FHIT: variants seen among roughly 807,000 people sequenced by gnomAD.
The protein encoded by FHIT is fragile histidine triad diadenosine triphosphatase, also known as bis(5'-adenosyl)-triphosphatase.
Under a neutral mutation model 17.9 loss-of-function variants are expected in FHIT, and 19 were observed. The observed-to-expected ratio is 1.06, with a 90% CI of 0.74 to 1.56. The LOEUF is 1.56. Among genes scored for constraint, FHIT ranks in the 40% most tolerant of loss-of-function variants. The pLI is 0.00. For synonymous variants in FHIT, 81 were observed against 69.7 expected (o/e 1.16, Z -0.81); for missense variants, 248 against 189.2 (o/e 1.31, Z -1.82).
chr3:60,387,120 T>G (rs1276199186), intron 5 of FHIT, among the ~76,000 whole-genome samples: 5 of 151,434 alleles, frequency 3.3e-5, no homozygotes, highest in Non-Finnish European at 7.4e-5. Flanking sequence ...CCTGAGTAGC[T>G]GGGATTACAG....
chr3:60,011,297 A>C, intron 7 of FHIT, 74 bp downstream of exon 7: 1 of 1,388,180 alleles, frequency 7.2e-7, no homozygotes, highest in Non-Finnish European at 1.0e-6. Flanking sequence ...TGTGCTGCAT[A>C]TGACTCGTTG....
intron 5 of FHIT, among the ~76,000 whole-genome samples, chr3:60,523,798 G>C (rs542275435): frequency 4.1e-4 from 62 of 152,290 alleles, no homozygotes; most frequent in African/African-American, 1.4e-3. Flanking sequence ...GGGAGGGGTT[G>C]AGTATTTTTC....
chr3:61,044,764 T>A (rs1214113208), intron 2 of FHIT, among the ~76,000 whole-genome samples: 1 of 152,154 alleles, frequency 6.6e-6, no homozygotes. Flanking sequence ...GGGAAGCACA[T>A]CAGACTAACA....
intron 1 of FHIT, among the ~76,000 whole-genome samples, chr3:61,210,628 G>T (rs2039432268): frequency 6.6e-6 from 1 of 152,220 alleles, no homozygotes. Flanking sequence ...TAATCTCCTG[G>T]TGTGCCGTTT....
At chr3:60,907,272 T>C (rs1416922769) in intron 3 of FHIT, among the ~76,000 whole-genome samples, 4 of 152,200 alleles carry the variant, frequency 2.6e-5, no homozygotes, top group African/African-American at 4.8e-5. Context: ...ATTACCTAGA[T>C]AGTACTTTGG....
rs571081214 is a variant in FHIT, at chr3:61,053,929, G to A, written c.-163-11830C>T. Among the ~76,000 whole-genome samples, 49 of 152,312 alleles carry A rather than the reference G, an allele frequency of 3.2e-4. 1 individual carries two copies. In the Middle Eastern group the frequency reaches 0.01, roughly 32 times the overall value. On this transcript the variant is annotated intron_variant, in intron 2 of 9. Coordinates refer to ENST00000492590, the MANE Select transcript of FHIT (RefSeq NM_002012.4). ...AAGCAGAGGTGACTGTGGGCAGTGA[G>A]CATAATGGCTGGGTAATGAAAACTA...
At chr3:60,625,243 T>A (rs1213397680) in intron 4 of FHIT, among the ~76,000 whole-genome samples, 1 of 152,230 alleles carries the variant, frequency 6.6e-6, no homozygotes, top group Non-Finnish European at 1.5e-5. Context: ...AATGTTGCTA[T>A]GAACATTCAC....
At chr3:59,984,395 G>T (rs1295336735) in intron 7 of FHIT, among the ~76,000 whole-genome samples, 2 of 129,798 alleles carry the variant, frequency 1.5e-5, no homozygotes, top group African/African-American at 6.2e-5. Context: ...CAAATCCACT[G>T]GGGGGGGCTC....
chr3:61,192,255 G>A (rs2038738611), intron 2 of FHIT, among the ~76,000 whole-genome samples: 1 of 152,192 alleles, frequency 6.6e-6, no homozygotes, highest in South Asian at 2.1e-4. Flanking sequence ...CTTATTCCCT[G>A]AGATAATTCA....
intron 2 of FHIT, among the ~76,000 whole-genome samples, chr3:61,098,095 G>C (rs1206881943): frequency 6.6e-6 from 1 of 152,172 alleles, no homozygotes; most frequent in Non-Finnish European, 1.5e-5. Context: ...TTACATTTAA[G>C]TCTTTAAGCT....
chr3:60,099,604 A>G (rs538448304), intron 5 of FHIT, among the ~76,000 whole-genome samples: 25 of 152,214 alleles, frequency 1.6e-4, no homozygotes, highest in African/African-American at 4.8e-4. Context: ...AATGCCCCCA[A>G]TGAGGTGTAA....
At chr3:60,425,313 A>G (rs1454046953) in intron 5 of FHIT, among the ~76,000 whole-genome samples, 1 of 152,166 alleles carries the variant, frequency 6.6e-6, no homozygotes, top group Non-Finnish European at 1.5e-5. Flanking sequence ...AAAGACAAAA[A>G]TTAAAAACCA....
intron 4 of FHIT, among the ~76,000 whole-genome samples, chr3:60,763,268 G>A (rs191703045): frequency 2.0e-5 from 3 of 152,210 alleles, no homozygotes; most frequent in Non-Finnish European, 4.4e-5. Context: ...GTCAATTCAC[G>A]ACTGTAAGTC....
chr3:61,057,524 A>C (rs538379757), intron 2 of FHIT, among the ~76,000 whole-genome samples: 1 of 152,286 alleles, frequency 6.6e-6, no homozygotes, highest in South Asian at 2.1e-4. Context: ...TATCTTTGGT[A>C]GGAAAAAAAA....
intron 4 of FHIT, among the ~76,000 whole-genome samples, chr3:60,596,870 G>C (rs1171624670): frequency 1.3e-5 from 2 of 152,046 alleles, no homozygotes. Flanking sequence ...ATAATGTGAA[G>C]ACAGATGTTA....
chr3:60,081,565 T>C (rs897187939), intron 5 of FHIT, among the ~76,000 whole-genome samples: 5 of 152,174 alleles, frequency 3.3e-5, no homozygotes, highest in African/African-American at 9.6e-5. Flanking sequence ...GATACCAGCA[T>C]ATCCTACCCA....
chr3:59,870,611 A>G (rs553452470), intron 8 of FHIT, among the ~76,000 whole-genome samples: 1 of 152,320 alleles, frequency 6.6e-6, no homozygotes, highest in East Asian at 1.9e-4. Context: ...CCCATTAATA[A>G]GGAAGGAAGA....
intron 5 of FHIT, among the ~76,000 whole-genome samples, chr3:60,125,023 A>G (rs1705477767): frequency 6.6e-6 from 1 of 152,216 alleles, no homozygotes; most frequent in African/African-American, 2.4e-5. Flanking sequence ...TACAGAATAG[A>G]TATAGCTGAA....
chr3:60,686,117 C>T (rs2040857421), intron 4 of FHIT, among the ~76,000 whole-genome samples: 1 of 152,140 alleles, frequency 6.6e-6, no homozygotes, highest in Admixed American at 6.6e-5. Context: ...AGTCATATCT[C>T]CTTACAGCAC....
Sources: gnomAD v4.1 joint callset for allele counts (sites outside exome capture counted in the v4.1 genomes callset) on GRCh38, gnomAD v4.1.1 for gene constraint, MANE v1.5 for transcripts, NCBI Gene and HGNC (gene_info 2026-07-23, HGNC 2026-07-21) for gene names.